FRMD3: variants seen among roughly 807,000 people sequenced by gnomAD.
FRMD3 encodes the protein FERM domain containing 3.
Under a neutral mutation model 70.2 loss-of-function variants are expected in FRMD3, and 33 were observed. The ratio of observed to expected loss-of-function variants is 0.47; its 90% CI spans 0.36 to 0.63. The LOEUF (loss-of-function observed/expected upper bound fraction) is 0.63. FRMD3 is among the 20% of genes least tolerant of loss of function. The pLI is 0.00. For synonymous variants in FRMD3, 279 were observed against 255.9 expected (o/e 1.09, Z -0.86); for missense variants, 632 against 711.4 (o/e 0.89, Z 1.27).
chr9:83,305,334 C>T (rs1380170780), intron 10 of FRMD3, among the ~76,000 whole-genome samples: 3 of 152,232 alleles, frequency 2.0e-5, no homozygotes, highest in Non-Finnish European at 4.4e-5. Flanking sequence ...GGCAGTAATA[C>T]AGCAGCAGCT....
chr9:83,386,634 T>C (rs1825518037), intron 2 of FRMD3, among the ~76,000 whole-genome samples: 1 of 152,180 alleles, frequency 6.6e-6, no homozygotes, highest in African/African-American at 2.4e-5. Context: ...ACTATCAAAA[T>C]GAGAAGCCAA....
chr9:83,293,713 C>T (rs1015035207), intron 12 of FRMD3, among the ~76,000 whole-genome samples: 2 of 152,208 alleles, frequency 1.3e-5, no homozygotes, highest in African/African-American at 4.8e-5. Context: ...TCGGCCCCTA[C>T]ATTCATAGGC....
At chr9:83,340,621 T>C (rs1195267397) in intron 5 of FRMD3, among the ~76,000 whole-genome samples, 1 of 152,234 alleles carries the variant, frequency 6.6e-6, no homozygotes, top group African/African-American at 2.4e-5. Flanking sequence ...AAGATATTTT[T>C]ACCAAGAAAG....
intron 1 of FRMD3, among the ~76,000 whole-genome samples, chr9:83,433,485 A>C (rs1029592373): frequency 6.6e-6 from 1 of 152,234 alleles, no homozygotes; most frequent in Non-Finnish European, 1.5e-5. Context: ...GTTTAATGGA[A>C]GACAATTTTT....
chr9:83,519,666 T>C (rs1366553317), intron 1 of FRMD3, among the ~76,000 whole-genome samples: 2 of 152,208 alleles, frequency 1.3e-5, no homozygotes, highest in Non-Finnish European at 2.9e-5. Context: ...GGATTATAAA[T>C]CATTCTACTA....
At chr9:83,450,851 G>A (rs949811843) in intron 1 of FRMD3, among the ~76,000 whole-genome samples, 7 of 152,152 alleles carry the variant, frequency 4.6e-5, no homozygotes, top group South Asian at 4.1e-4. Context: ...ACTCAAAGTC[G>A]GAGCAGTGTG....
chr9:83,402,286 A>T (rs1825971531), intron 1 of FRMD3, among the ~76,000 whole-genome samples: 1 of 147,866 alleles, frequency 6.8e-6, no homozygotes, highest in Non-Finnish European at 1.5e-5. Context: ...GAAATTGCAT[A>T]CGAGATGGCT....
At chr9:83,477,347 G>T (rs919226187) in intron 1 of FRMD3, among the ~76,000 whole-genome samples, 1 of 152,130 alleles carries the variant, frequency 6.6e-6, no homozygotes, top group African/African-American at 2.4e-5. Flanking sequence ...AACCAATCAG[G>T]ATGGCATAAT....
chr9:83,249,577 A>G (rs1832304321), intron 13 of FRMD3, among the ~76,000 whole-genome samples: 2 of 152,238 alleles, frequency 1.3e-5, no homozygotes, highest in Non-Finnish European at 2.9e-5. Flanking sequence ...TACTGGTTTT[A>G]GCATTCAAAA....
intron 13 of FRMD3, among the ~76,000 whole-genome samples, chr9:83,274,155 T>C (rs1244011503): frequency 6.6e-6 from 1 of 152,190 alleles, no homozygotes; most frequent in African/African-American, 2.4e-5. Flanking sequence ...AAAAGCCTGA[T>C]GCATTATAAA....
At chr9:83,494,998 T>G (rs952281891) in intron 1 of FRMD3, among the ~76,000 whole-genome samples, 1 of 152,180 alleles carries the variant, frequency 6.6e-6, no homozygotes, top group African/African-American at 2.4e-5. Context: ...AAAATATATT[T>G]CACCAGTTGC....
Position 83,247,036 on chromosome 9 carries a change from T to A in FRMD3, c.*882A>T. On this transcript the variant is annotated 3_prime_UTR_variant, in exon 14 of 14. Coordinates refer to ENST00000304195, the MANE Select transcript of FRMD3 (RefSeq NM_174938.6). ...CTGTTACCTTTTTTCCTTTAAACTC[T>A]CACTTTCTTTTTAAAACATCTGCTT... 1 of 985,370 alleles carries A rather than the reference T, an allele frequency of 1.0e-6. No homozygotes were observed. The highest frequency in any genetic ancestry group is 1.2e-6 in the Non-Finnish European group (1 of 829,894). The allele number at this position is 985,370 out of a possible 1,614,324, so 61.0% of individuals were successfully genotyped here.
At chr9:83,461,990 A>G (rs1827990292) in intron 1 of FRMD3, among the ~76,000 whole-genome samples, 1 of 152,044 alleles carries the variant, frequency 6.6e-6, no homozygotes, top group Non-Finnish European at 1.5e-5. Context: ...GCCTGGCAGC[A>G]ATTTCTCAAA....
At chr9:83,452,725 G>A (rs771535804) in intron 1 of FRMD3, among the ~76,000 whole-genome samples, 3 of 151,706 alleles carry the variant, frequency 2.0e-5, no homozygotes, top group South Asian at 2.1e-4. Context: ...CTCATGATCC[G>A]CCCGTCTCGG....
intron 6 of FRMD3, among the ~76,000 whole-genome samples, chr9:83,326,631 T>G (rs760468408): frequency 7.2e-5 from 11 of 152,138 alleles, no homozygotes; most frequent in Non-Finnish European, 1.3e-4. Context: ...TAAGATCAAT[T>G]AAATAGAAAG....
chr9:83,368,832 A>T (rs1824874594), intron 3 of FRMD3, among the ~76,000 whole-genome samples: 1 of 152,068 alleles, frequency 6.6e-6, no homozygotes, highest in East Asian at 1.9e-4. Flanking sequence ...AAATGTATAT[A>T]TCTTTAGATC....
chr9:83,438,648 C>T (rs1220500716), intron 1 of FRMD3, among the ~76,000 whole-genome samples: 3 of 152,224 alleles, frequency 2.0e-5, no homozygotes, highest in Non-Finnish European at 2.9e-5. Flanking sequence ...GATCCACCCG[C>T]CTCTGCCTCC....
At chr9:83,576,171 C>T in the FRMD3 span, among the ~76,000 whole-genome samples, 1 of 152,080 alleles carries the variant, frequency 6.6e-6, no homozygotes, top group African/African-American at 2.4e-5. Flanking sequence ...ACAAATCCAA[C>T]AACATACACA....
chr9:83,244,083 G>T (rs142878653), downstream of FRMD3, among the ~76,000 whole-genome samples: 4 of 151,740 alleles, frequency 2.6e-5, no homozygotes, highest in Admixed American at 2.0e-4. Flanking sequence ...AGCCGTGATC[G>T]TGCCATTGCA....
Sources: gnomAD v4.1 joint callset for allele counts (sites outside exome capture counted in the v4.1 genomes callset) on GRCh38, gnomAD v4.1.1 for gene constraint, MANE v1.5 for transcripts, NCBI Gene and HGNC (gene_info 2026-07-23, HGNC 2026-07-21) for gene names.